The following PXDNL variants were observed in gnomAD, a reference collection of about 807,000 sequenced individuals.
The protein encoded by PXDNL is probable oxidoreductase PXDNL.
A neutral mutation model predicts 150.8 loss-of-function variants in PXDNL; 145 were observed. The observed-to-expected ratio is 0.96, with a 90% CI of 0.84 to 1.10. The LOEUF is 1.10. Ranked by LOEUF, PXDNL falls within the 50% of genes least tolerant of loss-of-function variation. The pLI is 0.00. For missense variants in PXDNL, 2,087 were observed against 1,873.9 expected (o/e 1.11, Z -2.10); for synonymous variants, 757 against 725.7 (o/e 1.04, Z -0.69).
At chr8:51,584,299 C>T (rs1021865779) in intron 3 of PXDNL, among the ~76,000 whole-genome samples, 1 of 152,102 alleles carries the variant, frequency 6.6e-6, no homozygotes, top group Non-Finnish European at 1.5e-5. Flanking sequence ...GTGACCAGTC[C>T]ACCCCACTCT....
intron 2 of PXDNL, among the ~76,000 whole-genome samples, chr8:51,599,185 C>T (rs955167033): frequency 5.3e-5 from 8 of 151,970 alleles, no homozygotes; most frequent in African/African-American, 1.9e-4. Context: ...GAACAACCAA[C>T]TTTTGGTTTT....
chr8:51,331,353 T>A (rs11776636), intron 21 of PXDNL, among the ~76,000 whole-genome samples: 40,629 of 151,988 alleles, frequency 0.27, 5,786 homozygotes, highest in Middle Eastern at 0.36. Context: ...CAAGCAGCCC[T>A]TTCCTGCCTG....
intron 1 of PXDNL, among the ~76,000 whole-genome samples, chr8:51,744,513 A>C (rs1264359565): frequency 3.0e-5 from 4 of 133,558 alleles, no homozygotes; most frequent in Admixed American, 7.2e-5. Flanking sequence ...TAAAAATACA[A>C]AAAAAAAAAA....
chr8:51,560,443 A>G (rs1440997059), intron 3 of PXDNL, among the ~76,000 whole-genome samples: 2 of 152,058 alleles, frequency 1.3e-5, no homozygotes, highest in Non-Finnish European at 2.9e-5. Context: ...TAATCAAAAC[A>G]GCATGGTACT....
At chr8:51,622,520 G>A (rs1814278912) in intron 2 of PXDNL, among the ~76,000 whole-genome samples, 1 of 152,170 alleles carries the variant, frequency 6.6e-6, no homozygotes. Flanking sequence ...ATTAATATTA[G>A]AAATCACCTA....
chr8:51,566,522 G>GTGTCT, intron 3 of PXDNL, among the ~76,000 whole-genome samples: 1 of 151,766 alleles, frequency 6.6e-6, no homozygotes, highest in Middle Eastern at 3.4e-3. Flanking sequence ...TTGTTACATT[G>GTGTCT]TGTCTTTCAA....
At chr8:51,556,947 T>C in intron 3 of PXDNL, 36 bp from the exon 4 acceptor site, 1 of 1,208,680 alleles carries the variant, frequency 8.3e-7, no homozygotes, top group South Asian at 1.2e-5. Flanking sequence ...AATTATAAAT[T>C]AGTAGAGATA....
At chr8:51,629,485 A>G (rs2130751815) in intron 2 of PXDNL, among the ~76,000 whole-genome samples, 1 of 152,274 alleles carries the variant, frequency 6.6e-6, no homozygotes, top group East Asian at 1.9e-4. Flanking sequence ...GAGAGAGAGA[A>G]AAAGGAAAAT....
At chr8:51,544,653 C>T (rs1422649960) in intron 4 of PXDNL, among the ~76,000 whole-genome samples, 1 of 152,204 alleles carries the variant, frequency 6.6e-6, no homozygotes, top group African/African-American at 2.4e-5. Context: ...ACAAATCCTT[C>T]TTCAATATCC....
At chr8:51,748,683 A>G (rs780214923) in intron 1 of PXDNL, among the ~76,000 whole-genome samples, 13 of 152,232 alleles carry the variant, frequency 8.5e-5, no homozygotes, top group Non-Finnish European at 1.3e-4. Flanking sequence ...GGATCTGGAC[A>G]AAGAACAACA....
At chr8:51,323,777 G>C (rs113416234) in intron 21 of PXDNL, among the ~76,000 whole-genome samples, 1 of 151,306 alleles carries the variant, frequency 6.6e-6, no homozygotes. Flanking sequence ...TTAGCCGGGC[G>C]TAGTGGTGGG....
chr8:51,398,570 C>A (rs1808158200), intron 17 of PXDNL, among the ~76,000 whole-genome samples: 1 of 152,190 alleles, frequency 6.6e-6, no homozygotes, highest in Admixed American at 6.5e-5. Flanking sequence ...CTCAACAGAG[C>A]TGAAAACCAA....
At chr8:51,540,186 C>A (rs113264851) in intron 4 of PXDNL, among the ~76,000 whole-genome samples, 7,049 of 152,204 alleles carry the variant, frequency 0.046, 566 homozygotes, top group African/African-American at 0.16. Context: ...GTGTGAGCCA[C>A]TGAGTCTGGA....
chr8:51,661,857 T>G (rs1361573559), intron 1 of PXDNL, among the ~76,000 whole-genome samples: 2 of 151,510 alleles, frequency 1.3e-5, no homozygotes, highest in Non-Finnish European at 2.9e-5. Flanking sequence ...CTTTTTTTTT[T>G]TTTTGTACAT....
At chr8:51,732,689 C>A (rs1256428968) in intron 1 of PXDNL, among the ~76,000 whole-genome samples, 3 of 152,102 alleles carry the variant, frequency 2.0e-5, no homozygotes, top group Non-Finnish European at 4.4e-5. Flanking sequence ...GCTGGGGAGG[C>A]CTCACAATTA....
chr8:51,432,741 T>C (rs777513576), intron 12 of PXDNL, among the ~76,000 whole-genome samples: 2 of 152,226 alleles, frequency 1.3e-5, no homozygotes, highest in Non-Finnish European at 2.9e-5. Flanking sequence ...GGTCTGATAG[T>C]TTATTTGTAG....
At chr8:51,644,406 ATGTGTGTGTATATATATACACATATG>A (rs1220976291) in intron 2 of PXDNL, among the ~76,000 whole-genome samples, 8 of 23,346 alleles carry the variant, frequency 3.4e-4, no homozygotes, top group Non-Finnish European at 1.1e-3. Flanking sequence ...ATATATACAC[ATGTGTGTGTATATATATACACATATG>A]TGTGTGTATA....
chr8:51,573,683 T>C (rs1321335741), intron 3 of PXDNL, among the ~76,000 whole-genome samples: 3 of 151,924 alleles, frequency 2.0e-5, no homozygotes, highest in Admixed American at 2.0e-4. Context: ...CAGCATTCCT[T>C]CCTTTGACAG....
chr8:51,542,762 A>G (rs1585565657), intron 4 of PXDNL, among the ~76,000 whole-genome samples: 3 of 151,706 alleles, frequency 2.0e-5, no homozygotes, highest in Non-Finnish European at 4.4e-5. Flanking sequence ...GTAAGCCAAG[A>G]TTGCACCATT....
Sources: gnomAD v4.1 joint callset for allele counts (sites outside exome capture counted in the v4.1 genomes callset) on GRCh38, gnomAD v4.1.1 for gene constraint, MANE v1.5 for transcripts, NCBI Gene and HGNC (gene_info 2026-07-23, HGNC 2026-07-21) for gene names.